SORCS1: variants seen among roughly 807,000 people sequenced by gnomAD.
The protein encoded by SORCS1 is VPS10 domain-containing receptor SorCS1.
A neutral mutation model predicts 146.1 loss-of-function variants in SORCS1; 60 were observed. The observed-to-expected ratio is 0.41, with a 90% CI of 0.33 to 0.51. SORCS1 has a LOEUF of 0.51. Among genes scored for constraint, SORCS1 ranks in the 20% least tolerant of loss-of-function variants. SORCS1 has a pLI of 0.21. For synonymous variants in SORCS1, 637 were observed against 584.0 expected, an observed-to-expected ratio of 1.09 and a Z score of -1.31; for missense variants, 1,352 against 1,487.6, an observed-to-expected ratio of 0.91 and a Z score of 1.50.
intron 2 of SORCS1, among the ~76,000 whole-genome samples, chr10:106,852,318 T>C (rs1949616330): frequency 6.6e-6 from 1 of 152,136 alleles, no homozygotes; most frequent in South Asian, 2.1e-4. Context: ...ATTTTGTAGA[T>C]GTTTCTTGTC....
chr10:107,164,566 G>C lies in SORCS1; in HGVS notation c.-40C>G, dbSNP rs1969973144. The C allele has an allele frequency of 7.6e-7, 1 of 1,315,772 alleles. No homozygotes were observed. The highest frequency in any genetic ancestry group is 9.7e-7 in the Non-Finnish European group (1 of 1,035,888). The allele number at this position is 1,315,772 out of a possible 1,614,324, so 81.5% of individuals were successfully genotyped here. On this transcript the variant is annotated 5_prime_UTR_variant, in exon 1 of 26. Coordinates refer to ENST00000263054, the MANE Select transcript of SORCS1 (RefSeq NM_052918.5). This position sits in a 1 kb window ranked among gnomAD's most constrained non-coding sequence, Gnocchi z 6.8. ...GCAGCGGAGAGAGGGGTCCCAGAAC[G>C]AAGGTGGCGGCACGAGCTCTGCGCT...
rs76960092 is a variant in SORCS1, at chr10:106,777,697, G to A, written c.727-1005C>T. On this transcript the variant is annotated intron_variant, in intron 3 of 25. Transcript: ENST00000263054. Reference sequence around the variant, plus strand: ...CAATCACAATAGCAGCAAGATGGAGGAGCTGCCTTCGAAACTGCCTTAAAT... The same window carrying A: ...CAATCACAATAGCAGCAAGATGGAGAAGCTGCCTTCGAAACTGCCTTAAAT... Among the ~76,000 whole-genome samples the A allele has an allele frequency of 9.2e-3, 1,401 of 152,248 alleles. 21 individuals carry two copies. Among genetic ancestry groups the A allele is most frequent in the African/African-American group, 0.032 (1,332 of 41,542 alleles).
intron 3 of SORCS1, among the ~76,000 whole-genome samples, chr10:106,784,180 G>C (rs1463462474): frequency 6.6e-6 from 1 of 152,096 alleles, no homozygotes; most frequent in Non-Finnish European, 1.5e-5. Context: ...CGGATCATGA[G>C]GTCAGGAAAT....
At chr10:107,050,729 G>T (rs990789010) in intron 1 of SORCS1, among the ~76,000 whole-genome samples, 1 of 152,122 alleles carries the variant, frequency 6.6e-6, no homozygotes, top group Non-Finnish European at 1.5e-5. Flanking sequence ...AAATGGGACT[G>T]GGTATTTTCT....
intron 24 of SORCS1, among the ~76,000 whole-genome samples, chr10:106,594,293 C>T (rs550452262): frequency 1.1e-4 from 16 of 152,268 alleles, no homozygotes; most frequent in Admixed American, 2.0e-4. Context: ...AAGTTAAATA[C>T]GGTTAACATA....
chr10:106,644,234 C>CA (rs981915067), intron 18 of SORCS1, among the ~76,000 whole-genome samples: 2 of 152,050 alleles, frequency 1.3e-5, no homozygotes, highest in African/African-American at 4.8e-5. Context: ...TTGATTTTTA[C>CA]AAAGTGAATG....
intron 2 of SORCS1, among the ~76,000 whole-genome samples, chr10:106,855,148 T>G (rs1949734038): frequency 1.3e-5 from 2 of 152,200 alleles, no homozygotes; most frequent in South Asian, 4.1e-4. Context: ...TACAGAATTC[T>G]TGATGTTTTC....
chr10:106,621,943 C>G (rs1481969380), intron 19 of SORCS1, among the ~76,000 whole-genome samples: 2 of 152,110 alleles, frequency 1.3e-5, no homozygotes, highest in Non-Finnish European at 2.9e-5. Context: ...AGTAATTTTT[C>G]TAGAAAGCGA....
At chr10:106,949,941 A>G (rs1429592691) in intron 2 of SORCS1, among the ~76,000 whole-genome samples, 3 of 152,228 alleles carry the variant, frequency 2.0e-5, no homozygotes, top group Admixed American at 6.5e-5. Flanking sequence ...TTGCCCTAGT[A>G]TAACAGGGAA....
chr10:107,032,062 T>C (rs1265130053), intron 1 of SORCS1, among the ~76,000 whole-genome samples: 3 of 152,120 alleles, frequency 2.0e-5, no homozygotes, highest in African/African-American at 7.2e-5. Flanking sequence ...TTGCAACCTT[T>C]TGATAGAGCC....
At chr10:106,671,093 TA>T in intron 16 of SORCS1, 143 bp downstream of exon 16, 1 of 1,086,978 alleles carries the variant, frequency 9.2e-7, no homozygotes, top group Non-Finnish European at 1.3e-6. Context: ...ACATAGCTAG[TA>T]AACTATGAGG....
At chr10:106,596,163 T>A (rs1287380203) in intron 24 of SORCS1, among the ~76,000 whole-genome samples, 1 of 152,176 alleles carries the variant, frequency 6.6e-6, no homozygotes, top group Non-Finnish European at 1.5e-5. Context: ...ATATGTTACG[T>A]AGTCTCTCTC....
intron 2 of SORCS1, among the ~76,000 whole-genome samples, chr10:106,953,933 T>G (rs1479598713): frequency 6.6e-6 from 1 of 152,180 alleles, no homozygotes; most frequent in African/African-American, 2.4e-5. Context: ...GCGCCACACT[T>G]TCCCAGATTT....
intron 8 of SORCS1, among the ~76,000 whole-genome samples, chr10:106,703,086 C>A (rs1158603821): frequency 1.3e-5 from 2 of 151,704 alleles, no homozygotes; most frequent in African/African-American, 2.4e-5. Flanking sequence ...TATTTGACCA[C>A]ACAACCAAAT....
chr10:106,848,095 T>C (rs547455585), intron 2 of SORCS1, among the ~76,000 whole-genome samples: 1 of 95,436 alleles, frequency 1.0e-5, no homozygotes, highest in African/African-American at 3.9e-5. Flanking sequence ...TAGATGTCTA[T>C]TAGGTCCGCT....
At chr10:107,088,868 A>G (rs915403543) in intron 1 of SORCS1, among the ~76,000 whole-genome samples, 10 of 152,188 alleles carry the variant, frequency 6.6e-5, no homozygotes, top group Non-Finnish European at 8.8e-5. Context: ...CTTTTCCTAG[A>G]ATTTTAAGGA....
chr10:107,008,768 C>A (rs554525872), intron 1 of SORCS1, among the ~76,000 whole-genome samples: 1 of 152,080 alleles, frequency 6.6e-6, no homozygotes, highest in African/African-American at 2.4e-5. Context: ...GAGGCCGAGG[C>A]GGGTGGATCA....
intron 2 of SORCS1, among the ~76,000 whole-genome samples, chr10:106,905,746 G>A (rs1316608403): frequency 2.6e-5 from 4 of 152,194 alleles, no homozygotes; most frequent in Non-Finnish European, 5.9e-5. Context: ...AACACAAGCA[G>A]AGGGTGCATG....
At chr10:106,796,612 C>G (rs1946568550) in intron 3 of SORCS1, among the ~76,000 whole-genome samples, 1 of 152,078 alleles carries the variant, frequency 6.6e-6, no homozygotes, top group African/African-American at 2.4e-5. Context: ...CTTCTCTTTT[C>G]CTGGGAAAGA....
Sources: gnomAD v4.1 joint callset for allele counts (sites outside exome capture counted in the v4.1 genomes callset) on GRCh38, gnomAD v4.1.1 for gene constraint, Gnocchi (gnomAD v3.1) non-coding constraint, MANE v1.5 for transcripts, NCBI Gene and HGNC (gene_info 2026-07-23, HGNC 2026-07-21) for gene names.